The following IL13RA1 variants were observed in gnomAD, a reference collection of about 807,000 sequenced individuals.
IL13RA1 encodes interleukin 13 receptor subunit alpha 1.
In IL13RA1, 14 loss-of-function variants were observed where a neutral mutation model predicts 33.8. That is an observed-to-expected ratio of 0.41 (90% CI 0.27 to 0.65). The LOEUF is 0.65. IL13RA1 is among the 30% of genes least tolerant of loss of function. IL13RA1 has a pLI of 0.28. For missense variants in IL13RA1, 313 were observed against 327.0 expected (o/e 0.96, Z 0.33); for synonymous variants, 116 against 115.7 (o/e 1.00, Z -0.02).
At chrX:118,770,476 G>T (rs776696154) in intron 8 of IL13RA1, 2 of 457,089 alleles carry the variant, frequency 4.4e-6, no homozygotes, top group Admixed American at 2.6e-5. Flanking sequence ...GCGCTGGCTG[G>T]TCTACGACAA....
chrX:118,778,387 C>T (rs1224296650), intron 10 of IL13RA1, among the ~76,000 whole-genome samples: 1 of 110,952 alleles, frequency 9.0e-6, no homozygotes, highest in African/African-American at 3.3e-5. Flanking sequence ...GGCATGTAGA[C>T]CCAGAAGTTA....
intron 1 of IL13RA1, among the ~76,000 whole-genome samples, chrX:118,731,566 G>T (rs1480648177): frequency 1.1e-5 from 1 of 92,010 alleles, no homozygotes; most frequent in East Asian, 4.1e-4. Context: ...AACAGAGCGA[G>T]ACTCCGTCTC....
At chrX:118,731,148 T>C (rs984290202) in intron 1 of IL13RA1, among the ~76,000 whole-genome samples, 2 of 112,190 alleles carry the variant, frequency 1.8e-5, no homozygotes, top group Non-Finnish European at 3.8e-5. Context: ...GGTCCCTTCC[T>C]ACTCCCTTTT....
At chrX:118,757,501 GCAGA>G (rs1302439594) in intron 4 of IL13RA1, among the ~76,000 whole-genome samples, 2 of 86,831 alleles carry the variant, frequency 2.3e-5, no homozygotes, top group South Asian at 6.1e-4. Flanking sequence ...TCCAGCCTGG[GCAGA>G]CAGAGTGAGA....
the IL13RA1 span, among the ~76,000 whole-genome samples, chrX:118,800,885 C>T: frequency 8.9e-6 from 1 of 111,935 alleles, no homozygotes; most frequent in Non-Finnish European, 1.9e-5. Context: ...CTCCCAGGTT[C>T]AAGCGGTTCT....
downstream of IL13RA1, among the ~76,000 whole-genome samples, chrX:118,795,231 G>GAAAA (rs1432403741): frequency 8.5e-5 from 7 of 82,478 alleles, no homozygotes; most frequent in African/African-American, 2.7e-4. Flanking sequence ...AAAAAAAAAA[G>GAAAA]AAAAAGAAAA....
chrX:118,736,210 G>A (rs2017280386), intron 1 of IL13RA1, among the ~76,000 whole-genome samples: 1 of 111,212 alleles, frequency 9.0e-6, no homozygotes, highest in South Asian at 3.8e-4. Context: ...TTAGTTCTGT[G>A]AACATCTGAA....
chrX:118,743,555 T>C (rs1484039968), intron 2 of IL13RA1, among the ~76,000 whole-genome samples: 1 of 111,754 alleles, frequency 8.9e-6, no homozygotes, highest in Non-Finnish European at 1.9e-5. Context: ...CACTAAGAGA[T>C]GGGCAAGTCC....
intron 6 of IL13RA1, among the ~76,000 whole-genome samples, chrX:118,764,517 G>A (rs1035659849): frequency 2.3e-4 from 25 of 109,568 alleles, no homozygotes; most frequent in African/African-American, 7.6e-4. Context: ...AATATTGAAA[G>A]GATGTCCCTT....
At chrX:118,758,930 A>G (rs1603214431) in intron 5 of IL13RA1, 1 of 111,954 alleles carries the variant, frequency 8.9e-6, no homozygotes, top group Middle Eastern at 4.6e-3. Context: ...GAAGATAAAC[A>G]TTCAAATCAT....
chrX:118,781,379 G>A (rs982548526), intron 10 of IL13RA1, among the ~76,000 whole-genome samples: 12 of 110,242 alleles, frequency 1.1e-4, no homozygotes, highest in Admixed American at 1.1e-3. Context: ...TTGAGATGGA[G>A]TCTCATTCTA....
At chrX:118,773,051 C>T (rs1214494790) in intron 8 of IL13RA1, among the ~76,000 whole-genome samples, 1 of 112,212 alleles carries the variant, frequency 8.9e-6, no homozygotes, top group African/African-American at 3.2e-5. Flanking sequence ...ATTTTATGTA[C>T]ATAGAGAAAT....
Position 118,735,759 on chromosome X carries a change from G to A in IL13RA1, c.89-5258G>A, listed in dbSNP as rs376156613. ...ACTGGGGTATTGCCATGTTGGCTAGGCTTGTTTCGAACTCCTGGACCCAGG... is the reference window on the plus strand; with the variant it reads ...ACTGGGGTATTGCCATGTTGGCTAGACTTGTTTCGAACTCCTGGACCCAGG... On this transcript the variant is annotated intron_variant, in intron 1 of 10. Coordinates refer to ENST00000371666, the MANE Select transcript of IL13RA1 (RefSeq NM_001560.3). Among the ~76,000 whole-genome samples, 422 of 111,828 alleles carry A rather than the reference G, an allele frequency of 3.8e-3. 1 individual carries two copies. The highest frequency in any genetic ancestry group is 0.013 in the African/African-American group (404 of 30,820).
At chrX:118,755,409 T>A (rs1396187566) in intron 4 of IL13RA1, among the ~76,000 whole-genome samples, 1 of 109,786 alleles carries the variant, frequency 9.1e-6, no homozygotes, top group Non-Finnish European at 1.9e-5. Context: ...ACCACATTAA[T>A]CATCTTCTGA....
chrX:118,797,632 G>A (rs910786099), downstream of IL13RA1, among the ~76,000 whole-genome samples: 1 of 112,323 alleles, frequency 8.9e-6, no homozygotes, highest in African/African-American at 3.2e-5. Flanking sequence ...CTTTGCAGAT[G>A]TAATTGTGGT....
At chrX:118,786,366 G>A (rs2017917174) in intron 10 of IL13RA1, among the ~76,000 whole-genome samples, 1 of 109,385 alleles carries the variant, frequency 9.1e-6, no homozygotes, top group Non-Finnish European at 1.9e-5. Flanking sequence ...ACTCCAGCCC[G>A]GGCAACAGTG....
chrX:118,786,664 C>T (rs1203491052), intron 10 of IL13RA1, among the ~76,000 whole-genome samples: 3 of 112,072 alleles, frequency 2.7e-5, no homozygotes, highest in Non-Finnish European at 5.6e-5. Flanking sequence ...ATTCTGAAAT[C>T]TCCTGGCCCT....
chrX:118,791,497 T>C lies in IL13RA1; in HGVS notation c.1192-265T>C, dbSNP rs139375314. On this transcript the variant is annotated intron_variant, in intron 10 of 10. Transcript: ENST00000371666. ...TTTCCAGTGGTGGAAATGTCCAAATTTGTTTATTTCTGGAGATAGTCATTG... is the reference window on the plus strand; with the variant it reads ...TTTCCAGTGGTGGAAATGTCCAAATCTGTTTATTTCTGGAGATAGTCATTG... Among the ~76,000 whole-genome samples, 414 of 110,885 alleles carry C rather than the reference T, an allele frequency of 3.7e-3. 3 individuals carry two copies. The highest frequency in any genetic ancestry group is 0.013 in the African/African-American group (406 of 30,522).
Position 118,792,067 on chromosome X carries a change from G to A in IL13RA1, c.*213G>A. On this transcript the variant is annotated 3_prime_UTR_variant, in exon 11 of 11. Coordinates refer to ENST00000371666, the MANE Select transcript of IL13RA1 (RefSeq NM_001560.3). ...AGAAGAGTGTGGAGTCATTCTCATT[G>A]AATTATAAAAGCCAGCAGGCTTCAA... The A allele has an allele frequency of 4.0e-6, 1 of 251,993 alleles. No homozygotes were observed. Among genetic ancestry groups the A allele is most frequent in the Non-Finnish European group, 7.0e-6 (1 of 142,835 alleles). The allele number at this position is 251,993 out of a possible 1,213,427, so 20.8% of individuals were successfully genotyped here. A position where few individuals can be genotyped will look rare whatever the true frequency, so the allele number is the denominator to read the frequency against.
Sources: allele counts gnomAD v4.1 joint callset (sites outside exome capture counted in the v4.1 genomes callset), GRCh38; gene constraint gnomAD v4.1.1; transcripts MANE v1.5; gene names NCBI Gene and HGNC (gene_info 2026-07-23, HGNC 2026-07-21).